The following ASH1L variants were observed in gnomAD, a reference collection of about 807,000 sequenced individuals.
ASH1L encodes ASH1 like histone lysine methyltransferase, also known as histone-lysine N-methyltransferase ASH1L.
ASH1L carries 23 observed loss-of-function variants against 269.0 expected under a neutral mutation model. The ratio of observed to expected loss-of-function variants is 0.09; its 90% CI spans 0.06 to 0.12. The LOEUF (loss-of-function observed/expected upper bound fraction) is 0.12. ASH1L is among the 10% of genes least tolerant of loss of function. ASH1L has a pLI of 1.00. For synonymous variants in ASH1L, 1,187 were observed against 1,253.5 expected (o/e 0.95, Z 1.12); for missense variants, 2,912 against 3,567.8 (o/e 0.82, Z 4.68).
At chr1:155,417,976 T>C (rs1293709370) in intron 5 of ASH1L, among the ~76,000 whole-genome samples, 1 of 149,992 alleles carries the variant, frequency 6.7e-6, no homozygotes, top group Non-Finnish European at 1.5e-5. Flanking sequence ...AAAAAAAGAC[T>C]AGCCTTAGCT....
rs771855610 is a variant in ASH1L, at chr1:155,370,485, CCTT to C, written c.6686+16_6686+18del. The C allele has an allele frequency of 5.6e-6, 9 of 1,612,842 alleles. No individual in the cohort carries two copies. In the African/African-American group the frequency reaches 9.4e-5, roughly 17 times the overall value. On this transcript the variant is annotated intron_variant, in intron 12 of 27. Transcript: ENST00000392403. ...TTATTCTGCTGGATTCTTGTCTTCA[CCTT>C]CTTTTGCTTCCTTACCATTTCTGCA... is the stretch of plus-strand genomic sequence containing the variant.
intron 2 of ASH1L, among the ~76,000 whole-genome samples, chr1:155,514,024 T>C (rs1479070665): frequency 6.6e-6 from 1 of 152,204 alleles, no homozygotes; most frequent in Non-Finnish European, 1.5e-5. Flanking sequence ...GACATTATGC[T>C]AAGGGAAATA....
chr1:155,494,584 C>A (rs567784873), intron 2 of ASH1L, among the ~76,000 whole-genome samples: 5 of 152,130 alleles, frequency 3.3e-5, no homozygotes, highest in African/African-American at 1.2e-4. Context: ...AGAGGGCTTG[C>A]AAAATTAATT....
In ASH1L at chr1:155,343,695, G is replaced by A. The variant is rs775244129; in HGVS notation, c.8029C>T (p.His2677Tyr). Residue 2677 changes from histidine (H) to tyrosine (Y), a missense_variant, in exon 23 of 28, where the codon CAC (histidine) becomes TAC (tyrosine). By Grantham distance (83) the His-to-Tyr change is moderately conservative. Around this residue, in one of 13 missense-constraint regions of ASH1L, gnomAD observed 179 missense variants for 293.8 expected, o/e 0.61. Transcript: ENST00000392403. The surrounding 1 kb of genome is among the most constrained non-coding windows in gnomAD (Gnocchi z 6.1). ...AGTCGATAGGACTGACGGACCGGGT[G>A]GCCATCAGGGGTGCGCCGACTATCC... ...MRDSRRTPDG[H>Y]PVRQSYRLLS... 1.2e-6 allele frequency: 2 copies of A among 1,614,154 alleles called. No individual in the cohort carries two copies. Among genetic ancestry groups the A allele is most frequent in the Non-Finnish European group, 1.7e-6 (2 of 1,180,020 alleles).
Position 155,479,320 on chromosome 1 carries a change from T to A in ASH1L, c.3550A>T (p.Thr1184Ser), listed in dbSNP as rs753559811. Residue 1184 changes from threonine to serine, a missense_variant, in exon 3 of 28, where the codon ACT (threonine) becomes TCT (serine). This residue lies in a region of ASH1L where 157 missense variants were observed against 154.6 expected (regional missense o/e 1.02). Transcript: ENST00000392403. ...TGAGACTCACTGATTGGGGAAGGAG[T>A]AGCTTCTTTTAGAGATGTGAGTTCA... ...LSELTSLKEA[T>S]PSPISESHSD... The A allele has an allele frequency of 1.9e-6, 3 of 1,613,638 alleles. No homozygotes were observed. Among genetic ancestry groups the A allele is most frequent in the Non-Finnish European group, 1.7e-6 (2 of 1,179,940 alleles).
chr1:155,433,737 G>T (rs560817997), intron 5 of ASH1L: 6 of 1,602,532 alleles, frequency 3.7e-6, no homozygotes, highest in Non-Finnish European at 5.1e-6. Context: ...ACCATCTGCC[G>T]CTTTGAGGGT....
intron 4 of ASH1L, among the ~76,000 whole-genome samples, chr1:155,458,138 A>C (rs1285188300): frequency 6.6e-6 from 1 of 152,242 alleles, no homozygotes; most frequent in Non-Finnish European, 1.5e-5. Flanking sequence ...TAGAGTACAA[A>C]AGTCTCTCCA....
At position 155,484,444 on chromosome 1, in the gene ASH1L, C is replaced by T. The variant is rs564542071; in HGVS notation, c.421-1995G>A. 5.9e-5 allele frequency among the ~76,000 whole-genome samples: 9 copies of T among 151,354 alleles called. No individual in the cohort carries two copies. The South Asian group carries it at 1.3e-3, about 21-fold the overall frequency. ...CAGAGGTTGCAGTGAGCCGAGATTG[C>T]GCCACTGCACTCTAGCCTGGGCGAA... On this transcript the variant is annotated intron_variant, in intron 2 of 27. Coordinates refer to ENST00000392403, the MANE Select transcript of ASH1L (RefSeq NM_018489.3).
chr1:155,438,164 A>G (rs1375871114), intron 5 of ASH1L, among the ~76,000 whole-genome samples, 163 bp downstream of exon 5: 1 of 152,186 alleles, frequency 6.6e-6, no homozygotes, highest in Admixed American at 6.5e-5. Flanking sequence ...ATTCTTAATT[A>G]TAACTTGTAA....
intron 2 of ASH1L, among the ~76,000 whole-genome samples, chr1:155,494,097 G>A (rs1388679292): frequency 1.3e-5 from 2 of 152,258 alleles, no homozygotes; most frequent in East Asian, 3.9e-4. Flanking sequence ...GAAAAGGCCA[G>A]GGATGGAAAG....
chr1:155,549,173 T>A (rs1022174154), intron 1 of ASH1L, among the ~76,000 whole-genome samples: 1 of 152,050 alleles, frequency 6.6e-6, no homozygotes, highest in Non-Finnish European at 1.5e-5. Context: ...CATGACTCTC[T>A]CTCTACAAAA....
intron 17 of ASH1L, among the ~76,000 whole-genome samples, chr1:155,351,883 A>G (rs996283718): frequency 6.6e-6 from 1 of 151,682 alleles, no homozygotes; most frequent in South Asian, 2.1e-4. Context: ...ATAAATAAAT[A>G]AATAAATTAA....
At chr1:155,428,252 A>G (rs1232654618) in intron 5 of ASH1L, among the ~76,000 whole-genome samples, 2 of 152,224 alleles carry the variant, frequency 1.3e-5, no homozygotes, top group East Asian at 3.9e-4. Context: ...CAGCCTGACC[A>G]ACATGGTGAA....
chr1:155,363,230 G>A (rs372663565), intron 12 of ASH1L, among the ~76,000 whole-genome samples: 2 of 152,106 alleles, frequency 1.3e-5, no homozygotes, highest in Admixed American at 1.3e-4. Flanking sequence ...TGATCCGCCT[G>A]CCTTGGCCTC....
At chr1:155,492,522 A>G (rs1448165617) in intron 2 of ASH1L, among the ~76,000 whole-genome samples, 13 of 152,096 alleles carry the variant, frequency 8.5e-5, no homozygotes, top group Non-Finnish European at 5.9e-5. Flanking sequence ...TTGTTCTAAG[A>G]ACATTGCTCA....
intron 7 of ASH1L, among the ~76,000 whole-genome samples, chr1:155,381,701 C>A (rs1035392286): frequency 6.6e-6 from 1 of 150,554 alleles, no homozygotes; most frequent in African/African-American, 2.4e-5. Flanking sequence ...ATGGTGAAAC[C>A]CCAACTCTAC....
chr1:155,483,518 CAT>C (rs1487373733), intron 2 of ASH1L, among the ~76,000 whole-genome samples: 1 of 151,840 alleles, frequency 6.6e-6, no homozygotes, highest in African/African-American at 2.4e-5. Flanking sequence ...GGACAGAAAA[CAT>C]AAAACCAAAT....
intron 15 of ASH1L, among the ~76,000 whole-genome samples, chr1:155,355,122 C>T (rs1169207785): frequency 2.6e-5 from 4 of 152,198 alleles, no homozygotes; most frequent in African/African-American, 9.7e-5. Flanking sequence ...GTGGCATGAT[C>T]TCAGCTCACT....
chr1:155,539,579 G>T (rs1283141056), intron 1 of ASH1L, among the ~76,000 whole-genome samples: 4 of 152,046 alleles, frequency 2.6e-5, no homozygotes, highest in Admixed American at 1.3e-4. Context: ...CTCCTGAGTA[G>T]CTGGGACTAC....
Sources: allele counts gnomAD v4.1 joint callset (sites outside exome capture counted in the v4.1 genomes callset), GRCh38; gene constraint gnomAD v4.1.1; regional missense constraint gnomAD v4.1.1; non-coding constraint Gnocchi (gnomAD v3.1); transcripts MANE v1.5; gene names NCBI Gene and HGNC (gene_info 2026-07-23, HGNC 2026-07-21).